Variants in DLC1 observed in about 807,000 individuals in gnomAD.
DLC1 encodes the protein DLC1 Rho GTPase activating protein.
DLC1 carries 54 observed loss-of-function variants against 140.3 expected under a neutral mutation model. The ratio of observed to expected loss-of-function variants is 0.38; its 90% confidence interval spans 0.31 to 0.48. The LOEUF is 0.48. Among genes scored for constraint, DLC1 ranks in the 20% least tolerant of loss-of-function variants. DLC1 has a pLI of 0.96. For synonymous variants in DLC1, 986 were observed against 728.1 expected, an observed-to-expected ratio of 1.35 and a Z score of -5.70; for missense variants, 2,536 against 1,907.0, an observed-to-expected ratio of 1.33 and a Z score of -6.14.
At chr8:13,454,449 A>G (rs2116993515) in intron 2 of DLC1, among the ~76,000 whole-genome samples, 1 of 152,336 alleles carries the variant, frequency 6.6e-6, no homozygotes, top group Middle Eastern at 3.4e-3. Context: ...CAAGGCAAAA[A>G]GTAATATTTA....
chr8:13,435,963 A>G (rs781695847), intron 2 of DLC1, among the ~76,000 whole-genome samples: 3 of 152,224 alleles, frequency 2.0e-5, no homozygotes, highest in African/African-American at 4.8e-5. Context: ...CTCCACCAGC[A>G]AAAAGATTGA....
chr8:13,439,859 T>A (rs1293936229), intron 2 of DLC1, among the ~76,000 whole-genome samples: 1 of 152,168 alleles, frequency 6.6e-6, no homozygotes, highest in African/African-American at 2.4e-5. Context: ...ATGAGAAACC[T>A]TTTGATAGTT....
intron 5 of DLC1, among the ~76,000 whole-genome samples, chr8:13,171,062 A>G (rs183261270): frequency 1.3e-3 from 196 of 152,332 alleles, no homozygotes; most frequent in Admixed American, 2.1e-3. Flanking sequence ...AAATTGCTGA[A>G]TCAGGGAGAG....
At chr8:13,340,078 G>A (rs77071981) in intron 4 of DLC1, 10,993 of 152,378 alleles carry the variant, frequency 0.072, 837 homozygotes, top group East Asian at 0.36. Context: ...GGGCGTTAGG[G>A]CTTCAGACAG....
Position 13,188,437 on chromosome 8 carries a change from A to G in DLC1, c.1349-72780T>C, listed in dbSNP as rs1345993864. Among the ~76,000 whole-genome samples the G allele has an allele frequency of 8.6e-4, 129 of 149,478 alleles. 5 individuals are homozygous for G. Among genetic ancestry groups the G allele is most frequent in the Admixed American group, 7.5e-3 (113 of 14,974 alleles). On this transcript the variant is annotated intron_variant, in intron 5 of 17. Transcript: ENST00000276297. ...TCCGTCTCAAAAAAAAAAAAAAAAAAAAAAGAAAAGTAATGATAAACATGA... is the reference window on the plus strand; with the variant it reads ...TCCGTCTCAAAAAAAAAAAAAAAAAGAAAAGAAAAGTAATGATAAACATGA...
chr8:13,536,952 C>T (rs1405678955), intron 1 of DLC1, among the ~76,000 whole-genome samples: 1 of 151,926 alleles, frequency 6.6e-6, no homozygotes, highest in Admixed American at 6.6e-5. Flanking sequence ...TTGTTAGAGA[C>T]CAGGGAATTT....
At chr8:13,546,607 A>G (rs7831827) in intron 1 of DLC1, among the ~76,000 whole-genome samples, 42,755 of 152,014 alleles carry the variant, frequency 0.28, 6,256 homozygotes, top group Admixed American at 0.3. Flanking sequence ...TTGAAGTTTT[A>G]TGTAAATGAA....
At chr8:13,205,521 A>G (rs942273342) in intron 5 of DLC1, among the ~76,000 whole-genome samples, 2 of 152,146 alleles carry the variant, frequency 1.3e-5, no homozygotes, top group Admixed American at 6.6e-5. Context: ...GGGGGGCCCA[A>G]ACTTTTGGTT....
intron 2 of DLC1, among the ~76,000 whole-genome samples, chr8:13,412,088 T>G (rs1465461925): frequency 6.6e-6 from 1 of 152,186 alleles, no homozygotes; most frequent in Non-Finnish European, 1.5e-5. Context: ...AATATTTAGA[T>G]CATATGTACG....
chr8:13,255,551 G>T (rs1215865632), intron 5 of DLC1, among the ~76,000 whole-genome samples: 2 of 152,168 alleles, frequency 1.3e-5, no homozygotes, highest in Non-Finnish European at 2.9e-5. Flanking sequence ...AATAGTAAAT[G>T]AACAGATGTG....
At chr8:13,295,938 CTTTGTTTTTTTTTTT>C (rs1266412389) in intron 5 of DLC1, among the ~76,000 whole-genome samples, 3 of 53,344 alleles carry the variant, frequency 5.6e-5, no homozygotes, top group Admixed American at 3.5e-4. Flanking sequence ...AGATAAGATT[CTTTGTTTTTTTTTTT>C]TTTTTTTTTT....
At chr8:13,494,042 A>G (rs972905744) in intron 2 of DLC1, among the ~76,000 whole-genome samples, 3 of 152,224 alleles carry the variant, frequency 2.0e-5, no homozygotes, top group Non-Finnish European at 4.4e-5. Context: ...CAGTTTTTCT[A>G]TGAGAAATGA....
intron 4 of DLC1, among the ~76,000 whole-genome samples, chr8:13,308,288 C>A (rs1045793308): frequency 4.6e-5 from 7 of 152,144 alleles, no homozygotes; most frequent in African/African-American, 9.7e-5. Flanking sequence ...TTTTAAGCTA[C>A]CAAAACTCAC....
At chr8:13,096,524 G>A (rs928502815) in intron 10 of DLC1, among the ~76,000 whole-genome samples, 5 of 151,804 alleles carry the variant, frequency 3.3e-5, no homozygotes, top group African/African-American at 7.3e-5. Context: ...CATAATACTC[G>A]CTTTGTCGGG....
intron 5 of DLC1, chr8:13,304,816 C>A: frequency 1.0e-6 from 1 of 973,920 alleles, no homozygotes. Context: ...TAATTTTTTT[C>A]TTCAATACAA....
chr8:13,466,242 C>A lies in DLC1; in HGVS notation c.1023+32807G>T, dbSNP rs1799932970. ...CACAGGTCACTTCCTCTCTCTCTTG[C>A]TACCTACCTGCTCGCTGAGCCTGCG... On this transcript the variant is annotated intron_variant, in intron 2 of 17. Transcript: ENST00000276297. 2.0e-5 allele frequency among the ~76,000 whole-genome samples: 3 copies of A among 152,352 alleles called. No homozygotes were observed. The South Asian group carries it at 6.2e-4, about 32-fold the overall frequency.
chr8:13,588,729 G>A (rs1805415674), intron 1 of DLC1, among the ~76,000 whole-genome samples: 1 of 152,180 alleles, frequency 6.6e-6, no homozygotes, highest in South Asian at 2.1e-4. Flanking sequence ...CTCAGCAGCT[G>A]TCTTCTCAAA....
intron 1 of DLC1, among the ~76,000 whole-genome samples, chr8:13,504,417 G>A (rs779308923): frequency 6.6e-6 from 1 of 152,162 alleles, no homozygotes; most frequent in African/African-American, 2.4e-5. Flanking sequence ...GAGCCACCGC[G>A]CCCGGCCTTC....
At chr8:13,574,706 A>G (rs1346812975) in intron 1 of DLC1, among the ~76,000 whole-genome samples, 4 of 152,218 alleles carry the variant, frequency 2.6e-5, no homozygotes, top group Non-Finnish European at 4.4e-5. Flanking sequence ...AAATCTGTTT[A>G]TTGAACAGCA....
Sources: allele counts gnomAD v4.1 joint callset (sites outside exome capture counted in the v4.1 genomes callset), GRCh38; gene constraint gnomAD v4.1.1; transcripts MANE v1.5; gene names NCBI Gene and HGNC (gene_info 2026-07-23, HGNC 2026-07-21).